SOX5: variants seen among roughly 807,000 people sequenced by gnomAD.
The protein encoded by SOX5 is SRY-box transcription factor 5.
A neutral mutation model predicts 92.0 loss-of-function variants in SOX5; 9 were observed. The ratio of observed to expected loss-of-function variants is 0.10; its 90% CI spans 0.06 to 0.17. SOX5 has a LOEUF of 0.17. Ranked by LOEUF, SOX5 falls within the 10% of genes least tolerant of loss-of-function variation. The pLI, the probability that SOX5 is intolerant of heterozygous loss-of-function variation, is 1.00. For missense variants in SOX5, 642 were observed against 944.5 expected, an observed-to-expected ratio of 0.68 and a Z score of 4.20; for synonymous variants, 344 against 336.3, an observed-to-expected ratio of 1.02 and a Z score of -0.25.
chr12:24,340,589 G>A (rs185019336), intron 2 of SOX5, among the ~76,000 whole-genome samples: 165 of 152,274 alleles, frequency 1.1e-3, no homozygotes, highest in African/African-American at 3.6e-3. Context: ...ACAACAGAGC[G>A]TTCAGCCCAG....
chr12:23,749,777 T>C (rs1161049662), intron 4 of SOX5, among the ~76,000 whole-genome samples: 1 of 151,948 alleles, frequency 6.6e-6, no homozygotes, highest in East Asian at 1.9e-4. Context: ...AAAACCATTA[T>C]TTTAAAATAT....
intron 8 of SOX5, among the ~76,000 whole-genome samples, chr12:23,638,887 C>CAAAAAAA (rs57608068): frequency 8.4e-6 from 1 of 119,720 alleles, no homozygotes. Flanking sequence ...TTTCTCACTG[C>CAAAAAAA]AAAAAAAAAA....
intron 1 of SOX5, among the ~76,000 whole-genome samples, chr12:24,434,089 A>C (rs985135975): frequency 6.6e-6 from 1 of 152,186 alleles, no homozygotes; most frequent in Non-Finnish European, 1.5e-5. Flanking sequence ...GGTGTGAATC[A>C]CAATGTCAAA....
intron 4 of SOX5, among the ~76,000 whole-genome samples, chr12:23,994,938 G>A (rs750653457): frequency 6.6e-5 from 10 of 152,138 alleles, no homozygotes; most frequent in African/African-American, 9.7e-5. Flanking sequence ...ATCACAAAGC[G>A]ACATAAATTC....
intron 2 of SOX5, among the ~76,000 whole-genome samples, chr12:23,856,800 G>T (rs970165923): frequency 6.6e-6 from 1 of 152,020 alleles, no homozygotes; most frequent in African/African-American, 2.4e-5. Context: ...ACATGCAAGA[G>T]AAGTTTAGAG....
At chr12:23,797,521 C>CA (rs923195827) in intron 3 of SOX5, among the ~76,000 whole-genome samples, 3 of 151,448 alleles carry the variant, frequency 2.0e-5, no homozygotes, top group African/African-American at 7.3e-5. Flanking sequence ...CGCCCTTCCA[C>CA]AAAAAAGAAA....
chr12:23,772,410 T>C (rs1326783974), intron 3 of SOX5, among the ~76,000 whole-genome samples: 1 of 152,224 alleles, frequency 6.6e-6, no homozygotes, highest in African/African-American at 2.4e-5. Context: ...CAAAGCTGGC[T>C]AAAAATGAGA....
chr12:24,244,339 G>A (rs1050593889), intron 3 of SOX5, among the ~76,000 whole-genome samples: 1 of 152,222 alleles, frequency 6.6e-6, no homozygotes, highest in African/African-American at 2.4e-5. Flanking sequence ...GCAAATGCAG[G>A]CAGTTATGTA....
intron 6 of SOX5, among the ~76,000 whole-genome samples, chr12:23,712,759 C>A (rs2092168669): frequency 6.6e-6 from 1 of 152,174 alleles, no homozygotes; most frequent in Admixed American, 6.5e-5. Context: ...TGAAATGTGA[C>A]TAAAAGTTAA....
chr12:24,499,685 T>C (rs950276242), intron 1 of SOX5, among the ~76,000 whole-genome samples: 1 of 151,580 alleles, frequency 6.6e-6, no homozygotes, highest in African/African-American at 2.4e-5. Flanking sequence ...GCTGATTTAA[T>C]AGTCCTAGTC....
At chr12:23,834,255 C>G (rs1451054097) in intron 3 of SOX5, among the ~76,000 whole-genome samples, 1 of 151,656 alleles carries the variant, frequency 6.6e-6, no homozygotes, top group Non-Finnish European at 1.5e-5. Flanking sequence ...GAGAACTGCA[C>G]GTGATTTCAC....
intron 3 of SOX5, among the ~76,000 whole-genome samples, chr12:23,842,405 T>A (rs1344361941): frequency 6.6e-6 from 1 of 152,088 alleles, no homozygotes; most frequent in African/African-American, 2.4e-5. Context: ...TAGACAAATA[T>A]AGAAATATTT....
At chr12:23,968,210 C>T (rs1947813766) in intron 4 of SOX5, among the ~76,000 whole-genome samples, 1 of 152,206 alleles carries the variant, frequency 6.6e-6, no homozygotes, top group Non-Finnish European at 1.5e-5. Context: ...AACCACCTTG[C>T]ATTCACTTCT....
At chr12:24,217,842 T>C (rs1391179712) in intron 3 of SOX5, among the ~76,000 whole-genome samples, 2 of 152,192 alleles carry the variant, frequency 1.3e-5, no homozygotes, top group African/African-American at 2.4e-5. Context: ...AAAGATCTGA[T>C]AGACATTTCA....
At position 24,478,737 on chromosome 12, in the gene SOX5, C is replaced by A. The variant is rs978828710; in HGVS notation, c.-251+83592G>T. On this transcript the variant is annotated intron_variant, in intron 1 of 4. Transcript: ENST00000446891. ...CTCTTGACAATTCTTCCACTGAAGT[C>A]TTTTATTCCATCCATTTTCTCCATT... Among the ~76,000 whole-genome samples the A allele has an allele frequency of 4.6e-5, 7 of 152,324 alleles. No individual in the cohort carries two copies. The East Asian group carries it at 1.4e-3, about 29-fold the overall frequency.
intron 6 of SOX5, among the ~76,000 whole-genome samples, chr12:23,703,187 G>A (rs1389101710): frequency 6.6e-6 from 1 of 152,052 alleles, no homozygotes; most frequent in Non-Finnish European, 1.5e-5. Flanking sequence ...GCACAAGCAA[G>A]TGAAAAACTC....
chr12:23,550,346 A>G (rs1462617628), intron 11 of SOX5, among the ~76,000 whole-genome samples: 1 of 151,926 alleles, frequency 6.6e-6, no homozygotes, highest in Non-Finnish European at 1.5e-5. Context: ...GCTTTAGACA[A>G]ATATGTTATC....
At chr12:24,273,842 T>C (rs1191597521) in intron 3 of SOX5, among the ~76,000 whole-genome samples, 1 of 152,234 alleles carries the variant, frequency 6.6e-6, no homozygotes, top group Non-Finnish European at 1.5e-5. Context: ...TAAATACTTC[T>C]TATAGGCATT....
chr12:24,539,638 C>T (rs928304021), intron 1 of SOX5, among the ~76,000 whole-genome samples: 2 of 152,088 alleles, frequency 1.3e-5, no homozygotes, highest in Non-Finnish European at 2.9e-5. Flanking sequence ...TAATTGTTTG[C>T]TCTCCTTATA....
Sources: gnomAD v4.1 joint callset for allele counts (sites outside exome capture counted in the v4.1 genomes callset) on GRCh38, gnomAD v4.1.1 for gene constraint, MANE v1.5 for transcripts, NCBI Gene and HGNC (gene_info 2026-07-23, HGNC 2026-07-21) for gene names.